Variants in CCDC192 observed in about 807,000 individuals in gnomAD.
The protein encoded by CCDC192 is coiled-coil domain containing 192.
intron 2 of CCDC192, among the ~76,000 whole-genome samples, chr5:127,746,200 T>C (rs1371748100): frequency 1.3e-5 from 2 of 152,232 alleles, no homozygotes; most frequent in African/African-American, 2.4e-5. Flanking sequence ...TTTGCTCAGG[T>C]CTTTCTCTGT....
intron 6 of CCDC192, among the ~76,000 whole-genome samples, chr5:127,898,266 G>A (rs1169212554): frequency 1.3e-5 from 2 of 151,970 alleles, no homozygotes; most frequent in African/African-American, 2.4e-5. Flanking sequence ...CCACCAACAC[G>A]CATGGCTAAT....
intron 6 of CCDC192, among the ~76,000 whole-genome samples, chr5:127,915,118 A>G (rs988467869): frequency 6.6e-6 from 1 of 152,214 alleles, no homozygotes; most frequent in African/African-American, 2.4e-5. Flanking sequence ...GAATATTGCA[A>G]TAAAGTGAGT....
In CCDC192 at chr5:127,875,565, A is replaced by C; in HGVS notation, c.439A>C (p.Lys147Gln). The change falls in exon 6 of 7, where the codon AAA (lysine) becomes CAA (glutamine). Residue 147 changes from lysine (K) to glutamine (Q), a missense_variant. Coordinates refer to ENST00000514853, the MANE Select transcript of CCDC192 (RefSeq NM_001317938.2). Reference sequence around the variant, plus strand: ...ACTAAAGCATGAAAAGAAAGTGAAAAAACTACAGACTGATTTGGCAACAGC... The same window carrying C: ...ACTAAAGCATGAAAAGAAAGTGAAACAACTACAGACTGATTTGGCAACAGC... ...QKLKHEKKVK[K>Q]LQTDLATANA... The C allele has an allele frequency of 5.0e-6, 2 of 398,832 alleles. No homozygotes were observed. Among genetic ancestry groups the C allele is most frequent in the Non-Finnish European group, 8.8e-6 (2 of 226,004 alleles). The allele number at this position is 398,832 out of a possible 1,614,324, so 24.7% of individuals were successfully genotyped here.
intron 5 of CCDC192, among the ~76,000 whole-genome samples, chr5:127,824,958 G>A (rs1714486988): frequency 6.6e-6 from 1 of 152,170 alleles, no homozygotes; most frequent in East Asian, 1.9e-4. Context: ...AGACTAGGTT[G>A]GTAGTTGTTC....
intron 1 of CCDC192, among the ~76,000 whole-genome samples, chr5:127,706,136 A>C (rs1484709209): frequency 6.6e-6 from 1 of 152,042 alleles, no homozygotes; most frequent in Non-Finnish European, 1.5e-5. Context: ...AAAAATGAGT[A>C]AAAGAGAGAC....
At chr5:127,806,737 C>T (rs983397153) in intron 5 of CCDC192, among the ~76,000 whole-genome samples, 2 of 152,144 alleles carry the variant, frequency 1.3e-5, no homozygotes, top group African/African-American at 4.8e-5. Flanking sequence ...CTATATAAAA[C>T]TCCAGCCATT....
chr5:127,786,961 T>C, intron 3 of CCDC192: 1 of 390,668 alleles, frequency 2.6e-6, no homozygotes, highest in Non-Finnish European at 4.9e-6. Flanking sequence ...ACCTGCTGGA[T>C]GGTGGCTCTG....
chr5:127,807,958 G>T (rs191793859), intron 5 of CCDC192, among the ~76,000 whole-genome samples: 1 of 152,100 alleles, frequency 6.6e-6, no homozygotes, highest in African/African-American at 2.4e-5. Flanking sequence ...TGTTCATGAC[G>T]TACTGTGGGA....
At chr5:127,703,240 T>A (rs1456537438), upstream of CCDC192, 2 of 379,760 alleles carry the variant, frequency 5.3e-6, no homozygotes, top group African/African-American at 4.2e-5. Context: ...CATGCCTGGA[T>A]CTGATTTGTG....
chr5:127,897,057 C>T (rs1483451256), intron 6 of CCDC192, among the ~76,000 whole-genome samples: 1 of 137,532 alleles, frequency 7.3e-6, no homozygotes, highest in East Asian at 2.2e-4. Flanking sequence ...TAATGTCTCT[C>T]TCTCTTTTTT....
intron 3 of CCDC192, among the ~76,000 whole-genome samples, chr5:127,760,947 A>G (rs1754886853): frequency 6.6e-6 from 1 of 151,260 alleles, no homozygotes; most frequent in South Asian, 2.1e-4. Flanking sequence ...GAAAGAAAAT[A>G]TTATGTGTAT....
chr5:127,873,206 A>G (rs979222228), intron 5 of CCDC192, among the ~76,000 whole-genome samples: 9 of 152,184 alleles, frequency 5.9e-5, no homozygotes, highest in African/African-American at 2.2e-4. Context: ...TTTACTGTCA[A>G]TGCATACTTT....
chr5:127,780,597 AT>A (rs1312677899), intron 3 of CCDC192, among the ~76,000 whole-genome samples: 2 of 151,686 alleles, frequency 1.3e-5, no homozygotes, highest in South Asian at 4.2e-4. Flanking sequence ...TTTTTCATAT[AT>A]TTGTTGGCCA....
rs75986234 is a variant in CCDC192 at position 127,765,861 on chromosome 5, C to T, written c.222+11486C>T. 8.3e-4 allele frequency among the ~76,000 whole-genome samples: 127 copies of T among 152,226 alleles called. 2 individuals carry two copies. The East Asian group carries it at 0.023, about 27-fold the overall frequency. Reference sequence around the variant, plus strand: ...TGTTCCTTATTCATATTTCCAAAGACCGTGAATGAAAAAGGAGTTGTCCAT... The same window carrying T: ...TGTTCCTTATTCATATTTCCAAAGATCGTGAATGAAAAAGGAGTTGTCCAT... On this transcript the variant is annotated intron_variant, in intron 3 of 6. Transcript: ENST00000514853.
intron 6 of CCDC192, among the ~76,000 whole-genome samples, chr5:127,925,575 G>T (rs989611181): frequency 5.3e-5 from 8 of 152,110 alleles, no homozygotes; most frequent in Non-Finnish European, 8.8e-5. Context: ...AAAGCAAGTA[G>T]CACAAAGTAA....
chr5:127,853,753 A>G (rs1439719308), intron 5 of CCDC192, among the ~76,000 whole-genome samples: 1 of 152,192 alleles, frequency 6.6e-6, no homozygotes, highest in African/African-American at 2.4e-5. Context: ...AGCCTGGGTA[A>G]CAGAGTGAAA....
intron 2 of CCDC192, among the ~76,000 whole-genome samples, chr5:127,725,203 G>A (rs1254038661): frequency 2.0e-5 from 3 of 152,116 alleles, no homozygotes; most frequent in African/African-American, 7.2e-5. Flanking sequence ...TGTCCTGTAT[G>A]AAGTACTCTA....
At chr5:127,919,928 G>T (rs554178305) in intron 6 of CCDC192, among the ~76,000 whole-genome samples, 7 of 152,292 alleles carry the variant, frequency 4.6e-5, no homozygotes, top group South Asian at 2.1e-4. Flanking sequence ...GTAAAGGATT[G>T]CCCATTGGCT....
intron 5 of CCDC192, among the ~76,000 whole-genome samples, chr5:127,865,293 AAATGTTGAGTATGAG>A (rs1482345044): frequency 6.6e-6 from 1 of 152,162 alleles, no homozygotes; most frequent in Non-Finnish European, 1.5e-5. Flanking sequence ...ATCACAGCTG[AAATGTTGAGTATGAG>A]AAATTAAACT....
Sources: gnomAD v4.1 joint callset for allele counts (sites outside exome capture counted in the v4.1 genomes callset) on GRCh38, gnomAD v4.1.1 for gene constraint, MANE v1.5 for transcripts, NCBI Gene and HGNC (gene_info 2026-07-23, HGNC 2026-07-21) for gene names.